RUFY3: variants seen among roughly 807,000 people sequenced by gnomAD.
The protein encoded by RUFY3 is RUN and FYVE domain containing 3, also known as protein RUFY3.
A neutral mutation model predicts 84.0 loss-of-function variants in RUFY3; 34 were observed. The ratio of observed to expected loss-of-function variants is 0.40; its 90% CI spans 0.31 to 0.54. The LOEUF is 0.54. Ranked by LOEUF, RUFY3 falls within the 20% of genes least tolerant of loss-of-function variation. RUFY3 has a pLI of 0.39. For missense variants in RUFY3, 507 were observed against 736.8 expected, an observed-to-expected ratio of 0.69 and a Z score of 3.61; for synonymous variants, 242 against 252.9, an observed-to-expected ratio of 0.96 and a Z score of 0.41.
intron 16 of RUFY3, among the ~76,000 whole-genome samples, chr4:70,803,848 G>A (rs914909380): frequency 6.6e-6 from 1 of 151,042 alleles, no homozygotes; most frequent in African/African-American, 2.4e-5. Flanking sequence ...TCAGCCTCCC[G>A]AGTAGCTGGG....
intron 1 of RUFY3, among the ~76,000 whole-genome samples, chr4:70,758,700 G>A (rs1724459344): frequency 6.6e-6 from 1 of 151,292 alleles, no homozygotes; most frequent in African/African-American, 2.4e-5. Flanking sequence ...ATTAATTTTG[G>A]GAATATTCAA....
At chr4:70,776,080 A>G (rs1269928428) in intron 7 of RUFY3, among the ~76,000 whole-genome samples, 4 of 152,208 alleles carry the variant, frequency 2.6e-5, no homozygotes, top group African/African-American at 7.2e-5. Flanking sequence ...CCAAGTATTC[A>G]CAAAGTACAG....
rs142483333 is a variant in RUFY3 at position 70,715,284 on chromosome 4, A to G, written c.358+9990A>G. Among the ~76,000 whole-genome samples, 226 of 152,300 alleles carry G rather than the reference A, an allele frequency of 1.5e-3. 1 individual carries two copies. The highest frequency in any genetic ancestry group is 4.9e-3 in the African/African-American group (204 of 41,570). ...AATGTCATCATGATGATGATTCATC[A>G]AAGATACCCTTTCATGGCTGGATGC... On this transcript the variant is annotated intron_variant, in intron 1 of 11. Transcript: ENST00000417478.
intron 1 of RUFY3, among the ~76,000 whole-genome samples, chr4:70,736,636 G>T (rs1720356570): frequency 6.6e-6 from 1 of 151,784 alleles, no homozygotes; most frequent in Admixed American, 6.6e-5. Context: ...CAATGGCATG[G>T]TCTCAGCTCA....
In RUFY3 at chr4:70,800,313, T is replaced by C. The variant is rs1380766291; in HGVS notation, c.1622+108T>C. On this transcript the variant is annotated intron_variant, in intron 15 of 17. Transcript: ENST00000381006. ...TTGACACCGACCAGACACTGACTTATAATATTAATATGCCAGGAAGACATT... is the reference window on the plus strand; with the variant it reads ...TTGACACCGACCAGACACTGACTTACAATATTAATATGCCAGGAAGACATT... 4.2e-6 allele frequency: 3 copies of C among 707,534 alleles called. No individual in the cohort carries two copies. In the African/African-American group the frequency reaches 5.6e-5, roughly 13 times the overall value. 43.8% of individuals were successfully genotyped at this position (707,534 alleles called of 1,614,324 possible). A position where few individuals can be genotyped will look rare whatever the true frequency, so the allele number is the denominator to read the frequency against.
At chr4:70,772,577 C>T (rs1481324600) in intron 5 of RUFY3, among the ~76,000 whole-genome samples, 1 of 152,136 alleles carries the variant, frequency 6.6e-6, no homozygotes, top group African/African-American at 2.4e-5. Flanking sequence ...GTATGAAATA[C>T]TATGACAAAC....
chr4:70,743,934 C>CA (rs1721732704), intron 1 of RUFY3, among the ~76,000 whole-genome samples: 1 of 152,152 alleles, frequency 6.6e-6, no homozygotes, highest in Non-Finnish European at 1.5e-5. Context: ...CAGCATTTCA[C>CA]ACAACTGTAT....
chr4:70,784,430 C>T (rs960137833), intron 9 of RUFY3, among the ~76,000 whole-genome samples: 2 of 151,578 alleles, frequency 1.3e-5, no homozygotes, highest in Non-Finnish European at 2.9e-5. Flanking sequence ...TTGCAGTGAG[C>T]AGAGATTGAG....
At chr4:70,805,762 C>A (rs1021907029) in intron 17 of RUFY3, among the ~76,000 whole-genome samples, 6 of 152,138 alleles carry the variant, frequency 3.9e-5, no homozygotes, top group African/African-American at 1.4e-4. Flanking sequence ...ATAAAAGCAA[C>A]CCCCTACTCC....
At chr4:70,719,615 T>C (rs1472288079), upstream of RUFY3, among the ~76,000 whole-genome samples, 1 of 152,254 alleles carries the variant, frequency 6.6e-6, no homozygotes, top group Non-Finnish European at 1.5e-5. Context: ...GTTCCAGGAA[T>C]GTCCCATGTA....
At chr4:70,780,115 A>G (rs1030756834) in intron 8 of RUFY3, among the ~76,000 whole-genome samples, 7 of 152,132 alleles carry the variant, frequency 4.6e-5, no homozygotes, top group Admixed American at 4.6e-4. Flanking sequence ...GGTCCTTAGA[A>G]TCTTATCACA....
In RUFY3 at chr4:70,744,658, T is replaced by A. The variant is rs186191931; in HGVS notation, c.179-17861T>A. On this transcript the variant is annotated intron_variant, in intron 1 of 17. Transcript: ENST00000381006. ...AATTGAAGCTTCTTATTTTGAATTTTTTTTTTTTTTTTTGAGATGGAGTTT... is the reference window on the plus strand; with the variant it reads ...AATTGAAGCTTCTTATTTTGAATTTATTTTTTTTTTTTTGAGATGGAGTTT... 3.2e-3 allele frequency among the ~76,000 whole-genome samples: 489 copies of A among 150,850 alleles called. 5 individuals carry two copies. Among genetic ancestry groups the A allele is most frequent in the African/African-American group, 0.011 (464 of 41,072 alleles).
intron 1 of RUFY3, chr4:70,741,685 G>A (rs1465427764): frequency 5.4e-6 from 8 of 1,485,612 alleles, no homozygotes; most frequent in Non-Finnish European, 7.1e-6. Flanking sequence ...CAGAAGGTGC[G>A]TGCCACACCA....
chr4:70,768,802 TA>T (rs1314963899), intron 5 of RUFY3, 141 bp downstream of exon 5: 41 of 812,018 alleles, frequency 5.0e-5, no homozygotes, highest in South Asian at 1.2e-4. Flanking sequence ...GATGGGAATA[TA>T]AAAAAAAGAT....
chr4:70,744,986 G>T (rs1402884594), intron 1 of RUFY3, among the ~76,000 whole-genome samples: 1 of 140,900 alleles, frequency 7.1e-6, no homozygotes, highest in Non-Finnish European at 1.5e-5. Flanking sequence ...TGGGAGTCTT[G>T]CTGTGTTGCC....
intron 1 of RUFY3, among the ~76,000 whole-genome samples, chr4:70,708,676 C>G (rs1740623494): frequency 6.6e-6 from 1 of 151,958 alleles, no homozygotes; most frequent in African/African-American, 2.4e-5. Context: ...CTTGAGTGTA[C>G]TTAGAGGTTT....
chr4:70,751,311 A>G (rs1002337851), intron 1 of RUFY3, among the ~76,000 whole-genome samples: 1 of 152,312 alleles, frequency 6.6e-6, no homozygotes, highest in Middle Eastern at 3.4e-3. Context: ...TGCTGGGTCA[A>G]ATAACTCATA....
intron 1 of RUFY3, among the ~76,000 whole-genome samples, chr4:70,726,443 A>T (rs760199603): frequency 2.0e-5 from 3 of 152,052 alleles, no homozygotes; most frequent in Non-Finnish European, 4.4e-5. Context: ...GTTCACTGCA[A>T]CCTCCACCTC....
At chr4:70,789,665 C>T (rs1244195596) in intron 12 of RUFY3, 73 bp downstream of exon 12, 10 of 1,506,646 alleles carry the variant, frequency 6.6e-6, no homozygotes, top group African/African-American at 1.4e-5. Context: ...GCTGTACATT[C>T]GGCAAATAGA....
Sources: allele counts gnomAD v4.1 joint callset (sites outside exome capture counted in the v4.1 genomes callset), GRCh38; gene constraint gnomAD v4.1.1; transcripts MANE v1.5; gene names NCBI Gene and HGNC (gene_info 2026-07-23, HGNC 2026-07-21).